FHL5: variants seen among roughly 807,000 people sequenced by gnomAD.
FHL5 encodes four and a half LIM domains 5, also known as four and a half LIM domains protein 5.
In FHL5, 33 loss-of-function variants were observed where a neutral mutation model predicts 32.0. That is an observed-to-expected ratio of 1.03 (90% CI 0.78 to 1.38). The LOEUF (loss-of-function observed/expected upper bound fraction) is 1.38. Ranked by LOEUF, FHL5 falls within the 40% of genes most tolerant of loss-of-function variation. The pLI is 0.00. For missense variants in FHL5, 336 were observed against 343.9 expected, an observed-to-expected ratio of 0.98 and a Z score of 0.18; for synonymous variants, 114 against 113.6, an observed-to-expected ratio of 1.00 and a Z score of -0.02.
At chr6:96,595,573 C>T (rs1771018887) in intron 1 of FHL5, among the ~76,000 whole-genome samples, 1 of 151,776 alleles carries the variant, frequency 6.6e-6, no homozygotes, top group South Asian at 2.1e-4. Flanking sequence ...AGACTTAGGT[C>T]AAATTCTTTT....
chr6:96,603,905 A>C (rs1582477148), intron 2 of FHL5, 133 bp downstream of exon 2: 1 of 668,552 alleles, frequency 1.5e-6, no homozygotes. Context: ...CTTAAAAGTT[A>C]CCAGCAGTCA....
intron 1 of FHL5, among the ~76,000 whole-genome samples, chr6:96,585,819 C>T (rs978933640): frequency 6.6e-6 from 1 of 152,188 alleles, no homozygotes; most frequent in Non-Finnish European, 1.5e-5. Context: ...TCCTAGTGCA[C>T]TTCAACTTTA....
At position 96,616,293 on chromosome 6, in the gene FHL5, T is replaced by TC. The variant is rs909067447; in HGVS notation, c.*522dup. On this transcript the variant is annotated 3_prime_UTR_variant, in exon 6 of 6. Transcript: ENST00000450218. ...TATCATTTAAAAATCATCCTTTTTT[T>TC]CACACATACTGACTGTAGAATTAAA... 1 of 152,262 alleles carries TC rather than the reference T, an allele frequency of 6.6e-6. No homozygotes were observed. The highest frequency in any genetic ancestry group is 2.4e-5 in the African/African-American group (1 of 41,456). 9.4% of individuals were successfully genotyped at this position (152,262 alleles called of 1,614,324 possible).
intron 4 of FHL5, among the ~76,000 whole-genome samples, chr6:96,609,523 G>A (rs1030910966): frequency 1.3e-5 from 2 of 152,204 alleles, no homozygotes; most frequent in African/African-American, 2.4e-5. Flanking sequence ...AATTGGTTTA[G>A]AAAGAAAATA....
At chr6:96,575,390 G>C (rs1770563365) in intron 1 of FHL5, among the ~76,000 whole-genome samples, 1 of 152,186 alleles carries the variant, frequency 6.6e-6, no homozygotes, top group African/African-American at 2.4e-5. Context: ...TAATGCGGGA[G>C]TAGAAAACAA....
At chr6:96,606,167 T>A in intron 4 of FHL5, 96 bp downstream of exon 4, 1 of 1,042,016 alleles carries the variant, frequency 9.6e-7, no homozygotes. Context: ...TTATGTTATA[T>A]CTGTAATCAA....
intron 1 of FHL5, among the ~76,000 whole-genome samples, chr6:96,587,487 T>C (rs1770822828): frequency 6.6e-6 from 1 of 152,142 alleles, no homozygotes; most frequent in South Asian, 2.1e-4. Context: ...TCAAACTTGA[T>C]GGAGCTTATG....
chr6:96,585,166 T>C (rs1477831184), intron 1 of FHL5, among the ~76,000 whole-genome samples: 1 of 152,190 alleles, frequency 6.6e-6, no homozygotes, highest in Non-Finnish European at 1.5e-5. Context: ...CCAGTTTCTG[T>C]CTCTATTCAA....
chr6:96,583,438 CCAA>C (rs1170982537), intron 1 of FHL5, among the ~76,000 whole-genome samples: 1 of 152,046 alleles, frequency 6.6e-6, no homozygotes, highest in Admixed American at 6.6e-5. Flanking sequence ...ACTCATTGCA[CCAA>C]CATTTCAGTT....
chr6:96,567,088 C>T (rs1057113096), intron 1 of FHL5, among the ~76,000 whole-genome samples: 4 of 151,922 alleles, frequency 2.6e-5, no homozygotes, highest in Non-Finnish European at 5.9e-5. Context: ...AGTATTTCCC[C>T]TATGTTTGCT....
intron 1 of FHL5, among the ~76,000 whole-genome samples, chr6:96,568,757 G>C (rs1422515874): frequency 6.6e-6 from 1 of 151,684 alleles, no homozygotes; most frequent in Non-Finnish European, 1.5e-5. Context: ...GTATATAGCT[G>C]TTTATAATAG....
rs113170091 is a variant in FHL5, at chr6:96,584,119, G to A, written c.-12-19483G>A. 4.7e-3 allele frequency among the ~76,000 whole-genome samples: 720 copies of A among 152,242 alleles called. 7 individuals carry two copies. Among genetic ancestry groups the A allele is most frequent in the African/African-American group, 0.014 (569 of 41,554 alleles). ...CATCCTTAGCCTTGAGGAGCTAATA[G>A]TGGTGTGAGAAAGACATACATAGGA... On this transcript the variant is annotated intron_variant, in intron 1 of 5. Coordinates refer to ENST00000450218, the MANE Select transcript of FHL5 (RefSeq NM_001322466.2).
intron 1 of FHL5, among the ~76,000 whole-genome samples, chr6:96,587,898 C>A (rs930126929): frequency 2.0e-4 from 30 of 152,144 alleles, no homozygotes; most frequent in Non-Finnish European, 3.2e-4. Flanking sequence ...AAGGAGGGTA[C>A]CTGTAAGTCA....
chr6:96,610,550 C>T lies in FHL5; in HGVS notation c.505-22C>T, dbSNP rs1368413808. ...ATTGTAATGGCTCCCATGGTCATTG[C>T]CTTTTCTGTGGTCTTTGGCAGGTGA... On this transcript the variant is annotated intron_variant, in intron 4 of 5. Coordinates refer to ENST00000450218, the MANE Select transcript of FHL5 (RefSeq NM_001322466.2). 11 of 1,592,246 alleles carry T rather than the reference C, an allele frequency of 6.9e-6. No individual in the cohort carries two copies. In the East Asian group the frequency reaches 2.2e-4, roughly 32 times the overall value.
intron 1 of FHL5, among the ~76,000 whole-genome samples, chr6:96,588,571 T>G (rs1770848591): frequency 6.6e-6 from 1 of 152,228 alleles, no homozygotes; most frequent in African/African-American, 2.4e-5. Context: ...TGAGTATAAA[T>G]GCAGTTCATT....
intron 1 of FHL5, among the ~76,000 whole-genome samples, chr6:96,568,566 A>G (rs1770410421): frequency 6.6e-6 from 1 of 151,962 alleles, no homozygotes; most frequent in African/African-American, 2.4e-5. Flanking sequence ...TCTTTGGTAG[A>G]ATTCCAGAGT....
rs553453531 is a variant in FHL5, at chr6:96,584,791, A to C, written c.-12-18811A>C. Among the ~76,000 whole-genome samples, 7 of 152,268 alleles carry C rather than the reference A, an allele frequency of 4.6e-5. No individual in the cohort carries two copies. In the South Asian group the frequency reaches 1.4e-3, roughly 32 times the overall value. The stretch of plus-strand genomic sequence containing the variant: ...TATGTAATATTTTCAGTTCAATGTA[A>C]GCCAATATGGTCCACCAGATATGTG... On this transcript the variant is annotated intron_variant, in intron 1 of 5. Transcript: ENST00000450218.
At chr6:96,602,422 G>GTTCCTTTTTTTTT (rs1562062425) in intron 1 of FHL5, among the ~76,000 whole-genome samples, 9 of 26,606 alleles carry the variant, frequency 3.4e-4, no homozygotes, top group African/African-American at 9.1e-4. Flanking sequence ...TATATGCGTT[G>GTTCCTTTTTTTTT]TTTCTTTTTT....
intron 1 of FHL5, among the ~76,000 whole-genome samples, chr6:96,585,972 A>G (rs897888588): frequency 2.0e-5 from 3 of 152,194 alleles, no homozygotes; most frequent in African/African-American, 7.2e-5. Flanking sequence ...TGCCTTGCAC[A>G]GTTCCATGGT....
Sources: allele counts gnomAD v4.1 joint callset (sites outside exome capture counted in the v4.1 genomes callset), GRCh38; gene constraint gnomAD v4.1.1; transcripts MANE v1.5; gene names NCBI Gene and HGNC (gene_info 2026-07-23, HGNC 2026-07-21).